Variants in GMDS observed in about 807,000 individuals in gnomAD.
GMDS encodes GDP-mannose 4,6 dehydratase.
GMDS carries 20 observed loss-of-function variants against 49.9 expected under a neutral mutation model. The ratio of observed to expected loss-of-function variants is 0.40; its 90% CI spans 0.28 to 0.58. The LOEUF is 0.58. Ranked by LOEUF, GMDS falls within the 20% of genes least tolerant of loss-of-function variation. The pLI is 0.42. For synonymous variants in GMDS, 177 were observed against 178.6 expected (o/e 0.99, Z 0.07); for missense variants, 362 against 481.4 (o/e 0.75, Z 2.32).
chr6:2,181,706 T>C (rs1291456870), intron 1 of GMDS, among the ~76,000 whole-genome samples: 5 of 152,162 alleles, frequency 3.3e-5, no homozygotes, highest in South Asian at 2.1e-4. Flanking sequence ...ACCAAGCCCA[T>C]ACAAAATGGT....
At chr6:1,824,210 T>C (rs1301455412) in intron 7 of GMDS, among the ~76,000 whole-genome samples, 1 of 152,090 alleles carries the variant, frequency 6.6e-6, no homozygotes, top group Non-Finnish European at 1.5e-5. Context: ...TATAACCTTC[T>C]CCTCATCCAG....
intron 4 of GMDS, among the ~76,000 whole-genome samples, chr6:2,110,609 G>A (rs1022341422): frequency 7.2e-5 from 11 of 152,054 alleles, no homozygotes; most frequent in African/African-American, 2.7e-4. Context: ...AACCCCCTGG[G>A]GCTTCCACAG....
intron 1 of GMDS, among the ~76,000 whole-genome samples, chr6:2,155,061 T>A (rs1029128474): frequency 2.0e-5 from 3 of 152,076 alleles, no homozygotes; most frequent in African/African-American, 7.2e-5. Context: ...AAGACATGTA[T>A]CATACTTCAT....
At chr6:1,864,083 T>C (rs1009379272) in intron 7 of GMDS, among the ~76,000 whole-genome samples, 4 of 152,172 alleles carry the variant, frequency 2.6e-5, no homozygotes, top group Admixed American at 6.5e-5. Flanking sequence ...ATTAACTTTC[T>C]AGTTTATCAT....
At chr6:2,209,268 T>C (rs1473568350) in intron 1 of GMDS, among the ~76,000 whole-genome samples, 2 of 152,176 alleles carry the variant, frequency 1.3e-5, no homozygotes, top group Non-Finnish European at 2.9e-5. Flanking sequence ...ACAGTGAACC[T>C]GAAATTAGTA....
At position 1,737,794 on chromosome 6, in the gene GMDS, TACATACAC is replaced by T. The variant is rs1272297610; in HGVS notation, c.890+4666_890+4673del. Among the ~76,000 whole-genome samples the T allele has an allele frequency of 1.6e-4, 6 of 37,700 alleles. No homozygotes were observed. In the South Asian group the frequency reaches 6.0e-3, roughly 38 times the overall value. The allele number at this position is 37,700 out of a possible 152,430, so 24.7% of individuals were successfully genotyped here. ...ACACAGATACACATACATACACACA[TACATACAC>T]ACACATACACACACACCACAAAGAC... On this transcript the variant is annotated intron_variant, in intron 8 of 10. Coordinates refer to ENST00000380815, the MANE Select transcript of GMDS (RefSeq NM_001500.4).
At chr6:1,633,387 G>C (rs1763052838) in intron 9 of GMDS, among the ~76,000 whole-genome samples, 1 of 152,148 alleles carries the variant, frequency 6.6e-6, no homozygotes, top group Non-Finnish European at 1.5e-5. Context: ...CATATTTACT[G>C]CTTTAAGCCT....
intron 1 of GMDS, among the ~76,000 whole-genome samples, chr6:2,141,263 A>G (rs1776272233): frequency 2.0e-5 from 3 of 152,168 alleles, no homozygotes; most frequent in Non-Finnish European, 4.4e-5. Flanking sequence ...TGTGGAGACA[A>G]GTTATCAGGC....
intron 6 of GMDS, 63 bp from the exon 7 acceptor site, chr6:1,930,293 A>G: frequency 7.0e-7 from 1 of 1,432,008 alleles, no homozygotes; most frequent in East Asian, 2.3e-5. Flanking sequence ...CAGTTTGGTG[A>G]ACCAAACCCG....
chr6:1,634,276 T>A (rs1763078785), intron 9 of GMDS, among the ~76,000 whole-genome samples: 1 of 152,186 alleles, frequency 6.6e-6, no homozygotes, highest in Non-Finnish European at 1.5e-5. Context: ...TGTGCTGTGA[T>A]AGGGCTGTCC....
chr6:2,113,517 A>G (rs1170922892), intron 4 of GMDS, among the ~76,000 whole-genome samples: 1 of 151,764 alleles, frequency 6.6e-6, no homozygotes, highest in Non-Finnish European at 1.5e-5. Context: ...TGCTGCAAAC[A>G]TGTACCAAGT....
At chr6:1,854,796 C>T (rs1240741711) in intron 7 of GMDS, among the ~76,000 whole-genome samples, 1 of 152,206 alleles carries the variant, frequency 6.6e-6, no homozygotes, top group Non-Finnish European at 1.5e-5. Context: ...GGAGATACCT[C>T]AAAATCTCAA....
intron 1 of GMDS, among the ~76,000 whole-genome samples, chr6:2,137,365 C>G (rs1776061130): frequency 7.5e-6 from 1 of 133,258 alleles, no homozygotes; most frequent in Non-Finnish European, 1.6e-5. Context: ...TGGAGTTTTG[C>G]TCTTGTTGCC....
At chr6:2,169,754 A>T (rs1417199219) in intron 1 of GMDS, among the ~76,000 whole-genome samples, 2 of 152,178 alleles carry the variant, frequency 1.3e-5, no homozygotes. Flanking sequence ...CTTTTAACTT[A>T]CACAACTCCT....
chr6:2,062,152 G>A (rs1771219563), intron 4 of GMDS, among the ~76,000 whole-genome samples: 1 of 152,136 alleles, frequency 6.6e-6, no homozygotes, highest in South Asian at 2.1e-4. Context: ...AGGTCCTGAG[G>A]CAATTTTCCC....
chr6:2,185,509 A>T (rs998718802), intron 1 of GMDS, among the ~76,000 whole-genome samples: 6 of 152,228 alleles, frequency 3.9e-5, no homozygotes, highest in Admixed American at 3.9e-4. Context: ...AGAGTTAAAC[A>T]TCTTCAACGA....
At chr6:1,917,561 TC>T (rs1761467596) in intron 7 of GMDS, among the ~76,000 whole-genome samples, 1 of 152,230 alleles carries the variant, frequency 6.6e-6, no homozygotes, top group African/African-American at 2.4e-5. Flanking sequence ...TATTTTATTT[TC>T]AAACTTGAAA....
chr6:1,932,721 G>T (rs1227688864), intron 6 of GMDS, among the ~76,000 whole-genome samples: 1 of 151,904 alleles, frequency 6.6e-6, no homozygotes, highest in African/African-American at 2.4e-5. Flanking sequence ...GTATTTTTTA[G>T]TAGAGACGGG....
chr6:1,761,177 C>T (rs1032724829), intron 7 of GMDS, among the ~76,000 whole-genome samples: 6 of 151,936 alleles, frequency 3.9e-5, no homozygotes, highest in African/African-American at 1.2e-4. Flanking sequence ...CAAGAGCGTA[C>T]CTTGAAGTTC....
Sources: gnomAD v4.1 joint callset for allele counts (sites outside exome capture counted in the v4.1 genomes callset) on GRCh38, gnomAD v4.1.1 for gene constraint, MANE v1.5 for transcripts, NCBI Gene and HGNC (gene_info 2026-07-23, HGNC 2026-07-21) for gene names.